The following MALRD1 variants were observed in gnomAD, a reference collection of about 807,000 sequenced individuals.
The protein encoded by MALRD1 is MAM and LDL receptor class A domain containing 1.
A neutral mutation model predicts 242.1 loss-of-function variants in MALRD1; 247 were observed. The observed-to-expected ratio is 1.02, with a 90% CI of 0.92 to 1.13. The LOEUF is 1.13. Among genes scored for constraint, MALRD1 ranks in the 50% most tolerant of loss-of-function variants. The pLI is 0.00. For synonymous variants in MALRD1, 995 were observed against 866.6 expected, an observed-to-expected ratio of 1.15 and a Z score of -2.60; for missense variants, 2,989 against 2,533.1, an observed-to-expected ratio of 1.18 and a Z score of -3.86.
intron 21 of MALRD1, among the ~76,000 whole-genome samples, chr10:19,291,241 A>G (rs901536406): frequency 2.6e-5 from 4 of 152,202 alleles, no homozygotes; most frequent in East Asian, 1.9e-4. Flanking sequence ...TAGAATACCT[A>G]TGTGTATTCT....
chr10:19,405,846 C>T lies in MALRD1; in HGVS notation c.4845+16237C>T, dbSNP rs563978671. On this transcript the variant is annotated intron_variant, in intron 28 of 39. Coordinates refer to ENST00000454679, the MANE Select transcript of MALRD1 (RefSeq NM_001142308.3). ...TCACTAAACATAGGGATTACTTTTG[C>T]GTTAGGATGCATTTTTTTTTTTCCT... is the stretch of plus-strand genomic sequence containing the variant. Among the ~76,000 whole-genome samples the T allele has an allele frequency of 8.6e-5, 10 of 116,606 alleles. No homozygotes were observed. The East Asian group carries it at 1.5e-3, about 18-fold the overall frequency. The allele number at this position is 116,606 out of a possible 152,430, so 76.5% of individuals were successfully genotyped here.
intron 29 of MALRD1, among the ~76,000 whole-genome samples, chr10:19,474,332 T>A (rs1836630852): frequency 6.6e-6 from 1 of 152,176 alleles, no homozygotes; most frequent in Non-Finnish European, 1.5e-5. Context: ...TATAGAAACA[T>A]TTGTAAATTT....
At chr10:19,689,545 G>C (rs959887681) in intron 36 of MALRD1, among the ~76,000 whole-genome samples, 2 of 152,008 alleles carry the variant, frequency 1.3e-5, no homozygotes, top group African/African-American at 4.8e-5. Context: ...TTGGATACTG[G>C]TGAAAAATGA....
chr10:19,576,448 G>A (rs886846451), intron 33 of MALRD1, among the ~76,000 whole-genome samples: 1 of 152,018 alleles, frequency 6.6e-6, no homozygotes, highest in African/African-American at 2.4e-5. Flanking sequence ...ATATTAACCA[G>A]CAACAATAAA....
chr10:19,485,499 C>T (rs951976880), intron 29 of MALRD1, among the ~76,000 whole-genome samples: 5 of 151,746 alleles, frequency 3.3e-5, no homozygotes, highest in Admixed American at 6.6e-5. Context: ...AAAAATTAGC[C>T]GGGCGTGGTG....
At chr10:19,693,307 A>G (rs1444621671) in intron 38 of MALRD1, among the ~76,000 whole-genome samples, 1 of 151,956 alleles carries the variant, frequency 6.6e-6, no homozygotes, top group Non-Finnish European at 1.5e-5. Context: ...AGACGACATG[A>G]TTGTATATCT....
chr10:19,449,340 C>G (rs1158914748), intron 28 of MALRD1, among the ~76,000 whole-genome samples: 1 of 152,082 alleles, frequency 6.6e-6, no homozygotes, highest in Admixed American at 6.6e-5. Context: ...CCACGCCCGG[C>G]TAATGTTTGT....
At chr10:19,076,988 T>A (rs941872156) in intron 2 of MALRD1, among the ~76,000 whole-genome samples, 1 of 151,920 alleles carries the variant, frequency 6.6e-6, no homozygotes, top group Admixed American at 6.6e-5. Context: ...ATTTTTAAAT[T>A]TTTATTGTAC....
At chr10:19,284,736 G>C (rs1366468554) in intron 21 of MALRD1, among the ~76,000 whole-genome samples, 13 of 82,776 alleles carry the variant, frequency 1.6e-4, no homozygotes, top group African/African-American at 6.5e-4. Context: ...CTTTATAGCA[G>C]CATGATTTAT....
intron 5 of MALRD1, among the ~76,000 whole-genome samples, chr10:19,123,178 A>AT (rs1837127148): frequency 6.6e-6 from 1 of 152,098 alleles, no homozygotes. Context: ...CATTAGGGCA[A>AT]TTTTTTTACT....
At chr10:19,088,266 G>C (rs879435836) in intron 4 of MALRD1, 81 bp downstream of exon 4, 4 of 1,169,076 alleles carry the variant, frequency 3.4e-6, no homozygotes, top group Non-Finnish European at 3.2e-6. Context: ...CTAAAAGTAA[G>C]GCAACTGTCC....
In MALRD1 at chr10:19,683,098, C is replaced by G. The variant is rs184092540; in HGVS notation, c.6138-9184C>G. Among the ~76,000 whole-genome samples, 555 of 150,982 alleles carry G rather than the reference C, an allele frequency of 3.7e-3. 2 individuals are homozygous for G. The highest frequency in any genetic ancestry group is 0.013 in the African/African-American group (529 of 41,204). ...CACTTGAGGCCACGTAGTTCAAGAC[C>G]AGCCTGGCCAATATGGGGAAACCCC... is the stretch of plus-strand genomic sequence containing the variant. On this transcript the variant is annotated intron_variant, in intron 36 of 39. Transcript: ENST00000454679.
intron 33 of MALRD1, among the ~76,000 whole-genome samples, chr10:19,580,618 G>A (rs535952148): frequency 3.3e-4 from 50 of 152,206 alleles, no homozygotes; most frequent in Middle Eastern, 6.8e-3. Flanking sequence ...ATACATAAGT[G>A]CATTTATGTT....
intron 5 of MALRD1, among the ~76,000 whole-genome samples, chr10:19,106,327 C>T (rs889998380): frequency 2.0e-5 from 3 of 151,708 alleles, no homozygotes; most frequent in Non-Finnish European, 4.4e-5. Context: ...TGGTGGGAGA[C>T]ATTTTGTTAC....
intron 28 of MALRD1, among the ~76,000 whole-genome samples, chr10:19,429,182 C>G (rs992542478): frequency 5.3e-5 from 8 of 152,170 alleles, no homozygotes; most frequent in Non-Finnish European, 1.2e-4. Context: ...CTTCACGTTA[C>G]AACTGAGGAA....
intron 18 of MALRD1, among the ~76,000 whole-genome samples, chr10:19,231,655 G>T (rs1049742070): frequency 6.6e-6 from 1 of 152,098 alleles, no homozygotes; most frequent in Non-Finnish European, 1.5e-5. Context: ...ATGTGCCTTT[G>T]CTTCTTTTTT....
chr10:19,264,052 C>A (rs1375669808), intron 19 of MALRD1, among the ~76,000 whole-genome samples: 1 of 152,106 alleles, frequency 6.6e-6, no homozygotes, highest in Non-Finnish European at 1.5e-5. Context: ...TTACCCACAT[C>A]CTCCCAATAC....
At chr10:19,293,358 G>A (rs941668453) in intron 21 of MALRD1, among the ~76,000 whole-genome samples, 1 of 152,184 alleles carries the variant, frequency 6.6e-6, no homozygotes, top group African/African-American at 2.4e-5. Flanking sequence ...TTGTCAAGCA[G>A]CATTCTGGCA....
At chr10:19,688,118 C>T (rs183142245) in intron 36 of MALRD1, among the ~76,000 whole-genome samples, 2,014 of 152,040 alleles carry the variant, frequency 0.013, 143 homozygotes, top group Admixed American at 0.11. Flanking sequence ...TACAGGCACC[C>T]GCCACCACAC....
Sources: gnomAD v4.1 joint callset for allele counts (sites outside exome capture counted in the v4.1 genomes callset) on GRCh38, gnomAD v4.1.1 for gene constraint, MANE v1.5 for transcripts, NCBI Gene and HGNC (gene_info 2026-07-23, HGNC 2026-07-21) for gene names.